The following USP10 variants were observed in gnomAD, a reference collection of about 807,000 sequenced individuals.
USP10 encodes the protein ubiquitin specific peptidase 10.
A neutral mutation model predicts 84.5 loss-of-function variants in USP10; 22 were observed. The ratio of observed to expected loss-of-function variants is 0.26; its 90% CI spans 0.19 to 0.37. USP10 has a LOEUF of 0.37. USP10 is among the 10% of genes least tolerant of loss of function. The pLI is 1.00. For missense variants in USP10, 1,019 were observed against 998.9 expected, an observed-to-expected ratio of 1.02 and a Z score of -0.27; for synonymous variants, 454 against 387.6, an observed-to-expected ratio of 1.17 and a Z score of -2.01.
At chr16:84,728,691 A>G (rs1186599384) in intron 1 of USP10, among the ~76,000 whole-genome samples, 1 of 152,130 alleles carries the variant, frequency 6.6e-6, no homozygotes, top group African/African-American at 2.4e-5. Context: ...TTTGCTACTG[A>G]ATAAGTATTT....
intron 3 of USP10, among the ~76,000 whole-genome samples, chr16:84,741,347 G>T (rs938335257): frequency 6.6e-6 from 1 of 152,218 alleles, no homozygotes; most frequent in African/African-American, 2.4e-5. Flanking sequence ...GGGAAGCCGG[G>T]CTGCTCAGCC....
chr16:84,743,502 A>C (rs771061698), intron 3 of USP10, among the ~76,000 whole-genome samples: 2 of 152,220 alleles, frequency 1.3e-5, no homozygotes, highest in African/African-American at 2.4e-5. Flanking sequence ...AGTTCTCCGC[A>C]GTAGAACACC....
intron 2 of USP10, among the ~76,000 whole-genome samples, chr16:84,735,210 T>TG (rs1909757358): frequency 3.2e-5 from 2 of 62,570 alleles, no homozygotes; most frequent in African/African-American, 1.4e-4. Flanking sequence ...TGTGTGTGTG[T>TG]GTGTGTGTGT....
At chr16:84,703,090 G>A (rs189241632) in intron 1 of USP10, among the ~76,000 whole-genome samples, 1 of 151,678 alleles carries the variant, frequency 6.6e-6, no homozygotes, top group African/African-American at 2.4e-5. Flanking sequence ...GAAAGTGTTG[G>A]TTGATCCCTG....
chr16:84,747,820 G>T (rs1322146762), intron 4 of USP10, among the ~76,000 whole-genome samples: 1 of 151,904 alleles, frequency 6.6e-6, no homozygotes, highest in Non-Finnish European at 1.5e-5. Flanking sequence ...GCTCGCTTCA[G>T]CCTCCCAAAG....
At chr16:84,702,533 C>G (rs577514166) in intron 1 of USP10, among the ~76,000 whole-genome samples, 1 of 152,252 alleles carries the variant, frequency 6.6e-6, no homozygotes, top group African/African-American at 2.4e-5. Flanking sequence ...GCCATTCATT[C>G]ATTCAGCAAA....
At chr16:84,733,032 A>G (rs1410594574) in intron 1 of USP10, 1 of 448,212 alleles carries the variant, frequency 2.2e-6, no homozygotes, top group Admixed American at 2.5e-5. Context: ...CATTTGAACC[A>G]CGTTTTCTGC....
rs762688163 is a variant in USP10, at chr16:84,775,156, C to G, written c.2144-4C>G. 12 of 1,613,480 alleles carry G rather than the reference C, an allele frequency of 7.4e-6. No homozygotes were observed. In the Admixed American group the frequency reaches 1.7e-4, roughly 22 times the overall value. On this transcript the variant is annotated splice_region_variant and splice_polypyrimidine_tract_variant and intron_variant, in intron 12 of 13. Transcript: ENST00000219473. ...CTTCAAGCCATTGATATTTTGTTTT[C>G]CAGAACTGCTTTCTCCAGGGGTTAA...
At chr16:84,713,128 A>G (rs182477247) in intron 1 of USP10, among the ~76,000 whole-genome samples, 9 of 152,286 alleles carry the variant, frequency 5.9e-5, no homozygotes, top group African/African-American at 2.2e-4. Context: ...GGTTTGCCAC[A>G]GTTAGTTTAT....
Position 84,722,503 on chromosome 16 carries a change from C to G in USP10, c.22-10932C>G, listed in dbSNP as rs1308778888. ...TTTTTCAAAGCGGCCATGCCGTTTT[C>G]TATCTGCACCAGCAGTGTATGAGAA... On this transcript the variant is annotated intron_variant, in intron 1 of 13. Coordinates refer to ENST00000219473, the MANE Select transcript of USP10 (RefSeq NM_005153.3). 3.9e-5 allele frequency among the ~76,000 whole-genome samples: 6 copies of G among 152,348 alleles called. No individual in the cohort carries two copies. The East Asian group carries it at 1.2e-3, about 29-fold the overall frequency.
At chr16:84,752,557 G>T (rs772842239) in intron 4 of USP10, among the ~76,000 whole-genome samples, 1 of 152,192 alleles carries the variant, frequency 6.6e-6, no homozygotes, top group Non-Finnish European at 1.5e-5. Flanking sequence ...TGTTGATGTT[G>T]AAAGAGGAAT....
chr16:84,727,972 G>C (rs1287792662), intron 1 of USP10, among the ~76,000 whole-genome samples: 1 of 152,196 alleles, frequency 6.6e-6, no homozygotes, highest in African/African-American at 2.4e-5. Context: ...CTAGGGTCAG[G>C]AAATGTATTT....
chr16:84,775,544 C>T (rs1239718354), intron 13 of USP10, among the ~76,000 whole-genome samples: 1 of 152,206 alleles, frequency 6.6e-6, no homozygotes, highest in African/African-American at 2.4e-5. Context: ...GCTTGTGGCA[C>T]CTGTGGGTGA....
At position 84,708,318 on chromosome 16, in the gene USP10, C is replaced by T. The variant is rs144303173; in HGVS notation, c.21+8207C>T. ...TACAAAAATTAGCCGAGTGTGGTGG[C>T]GGGCACCTTTAATCCCAGCTGCTCC... On this transcript the variant is annotated intron_variant, in intron 1 of 13. Coordinates refer to ENST00000219473, the MANE Select transcript of USP10 (RefSeq NM_005153.3). Among the ~76,000 whole-genome samples, 1,037 of 152,114 alleles carry T rather than the reference C, an allele frequency of 6.8e-3. 13 individuals carry two copies. The highest frequency in any genetic ancestry group is 0.024 in the African/African-American group (983 of 41,488).
chr16:84,737,494 G>T (rs1425218090), intron 2 of USP10, among the ~76,000 whole-genome samples: 1 of 152,208 alleles, frequency 6.6e-6, no homozygotes, highest in African/African-American at 2.4e-5. Context: ...TGAATGAAAG[G>T]TGCTGTGTGC....
At chr16:84,742,887 C>G (rs1036499334) in intron 3 of USP10, among the ~76,000 whole-genome samples, 1 of 152,166 alleles carries the variant, frequency 6.6e-6, no homozygotes, top group African/African-American at 2.4e-5. Context: ...GTTTTATGTT[C>G]TGATAAGATT....
intron 9 of USP10, 103 bp from the exon 10 acceptor site, chr16:84,763,983 A>G (rs1325443586): frequency 7.1e-7 from 1 of 1,405,040 alleles, no homozygotes; most frequent in Non-Finnish European, 9.5e-7. Flanking sequence ...TGTAGACCAC[A>G]CCCTGATTTC....
chr16:84,778,091 C>CTGTGTGTGCGTGTGTGTGTGTG, intron 13 of USP10, among the ~76,000 whole-genome samples: 1 of 143,536 alleles, frequency 7.0e-6, no homozygotes, highest in South Asian at 2.2e-4. Context: ...AAGTAAATAA[C>CTGTGTGTGCGTGTGTGTGTGTG]TGTGTGTGTG....
chr16:84,750,214 C>A (rs1042137837), intron 4 of USP10, among the ~76,000 whole-genome samples: 1 of 152,026 alleles, frequency 6.6e-6, no homozygotes, highest in African/African-American at 2.4e-5. Flanking sequence ...TCAAGACCAG[C>A]CTGGCCAACA....
Sources: allele counts gnomAD v4.1 joint callset (sites outside exome capture counted in the v4.1 genomes callset), GRCh38; gene constraint gnomAD v4.1.1; transcripts MANE v1.5; gene names NCBI Gene and HGNC (gene_info 2026-07-23, HGNC 2026-07-21).